Variants in PARL observed in about 807,000 individuals in gnomAD.
PARL encodes presenilin-associated rhomboid-like protein, mitochondrial.
PARL carries 44 observed loss-of-function variants against 51.6 expected under a neutral mutation model. The ratio of observed to expected loss-of-function variants is 0.85; its 90% CI spans 0.67 to 1.10. The LOEUF is 1.10. PARL is among the 50% of genes least tolerant of loss of function. PARL has a pLI of 0.00. For missense variants in PARL, 441 were observed against 469.5 expected (o/e 0.94, Z 0.56); for synonymous variants, 172 against 164.0 (o/e 1.05, Z -0.37).
chr3:183,860,386 A>G (rs1230101524), intron 4 of PARL, among the ~76,000 whole-genome samples: 3 of 152,262 alleles, frequency 2.0e-5, no homozygotes, highest in African/African-American at 7.2e-5. Context: ...CTGAGGTGAC[A>G]CAAGACAGTT....
At chr3:183,846,164 G>C (rs1167171176) in intron 4 of PARL, among the ~76,000 whole-genome samples, 2 of 151,956 alleles carry the variant, frequency 1.3e-5, no homozygotes, top group Non-Finnish European at 2.9e-5. Context: ...TCTGGATAAA[G>C]TGATTAAAAT....
intron 4 of PARL, among the ~76,000 whole-genome samples, chr3:183,853,531 G>A (rs955505124): frequency 1.3e-5 from 2 of 152,046 alleles, no homozygotes; most frequent in African/African-American, 2.4e-5. Flanking sequence ...TGGTCTGGGC[G>A]AAAGAGCAAG....
intron 4 of PARL, chr3:183,844,569 C>T (rs1478780917): frequency 2.1e-6 from 1 of 467,766 alleles, no homozygotes; most frequent in African/African-American, 2.0e-5. Flanking sequence ...ACTTCCTTTC[C>T]CTAGATCCAT....
At chr3:183,855,020 A>T (rs1730983291) in intron 4 of PARL, among the ~76,000 whole-genome samples, 1 of 152,214 alleles carries the variant, frequency 6.6e-6, no homozygotes, top group African/African-American at 2.4e-5. Context: ...CCTTAAAAAC[A>T]TTATGCTAAG....
intron 6 of PARL, among the ~76,000 whole-genome samples, chr3:183,842,086 T>A (rs1425059002): frequency 6.6e-6 from 1 of 152,164 alleles, no homozygotes; most frequent in Admixed American, 6.5e-5. Context: ...CATACCCACA[T>A]AATTCATATG....
intron 4 of PARL, among the ~76,000 whole-genome samples, chr3:183,856,055 G>C (rs1731141290): frequency 6.6e-6 from 1 of 151,884 alleles, no homozygotes; most frequent in African/African-American, 2.4e-5. Flanking sequence ...CCCGGTTCTG[G>C]TACCAGTCCC....
Position 183,829,658 on chromosome 3 carries a change from T to C in PARL, c.1080A>G (p.Leu360=), listed in dbSNP as rs552981853. ...HELIWKNREP[L]VKIWHEIRTN... Reference sequence around the variant, plus strand: ...TCCTTATTTCATGCCAGATTTTCACTAGCGGCTCCCTGTTCTTCCAAATCA... The same window carrying C: ...TCCTTATTTCATGCCAGATTTTCACCAGCGGCTCCCTGTTCTTCCAAATCA... Residue 360 remains leucine, a synonymous_variant, in exon 10 of 10, where the codon CTA becomes CTG. Transcript: ENST00000317096. 2.5e-6 allele frequency: 4 copies of C among 1,614,164 alleles called. No homozygotes were observed. The highest frequency in any genetic ancestry group is 1.7e-5 in the Admixed American group (1 of 60,010).
chr3:183,884,646 G>A lies in PARL; in HGVS notation c.125+76C>T, dbSNP rs1004629920. On this transcript the variant is annotated intron_variant, in intron 1 of 9. Transcript: ENST00000317096. ...TGGGGCCAGCACAAGAGGCCCAGAC[G>A]GCCTCCGCCCCCGAGGATACACGGC... The A allele has an allele frequency of 3.4e-6, 5 of 1,454,762 alleles. No homozygotes were observed. The Admixed American group carries it at 5.9e-5, about 17-fold the overall frequency. The allele number at this position is 1,454,762 out of a possible 1,614,324, so 90.1% of individuals were successfully genotyped here.
chr3:183,874,409 A>G (rs1733557216), intron 1 of PARL, among the ~76,000 whole-genome samples: 1 of 121,626 alleles, frequency 8.2e-6, no homozygotes, highest in Non-Finnish European at 1.7e-5. Flanking sequence ...ATTAGAAATA[A>G]TCTTTTTTTT....
At chr3:183,857,878 T>C (rs1731347015) in intron 4 of PARL, among the ~76,000 whole-genome samples, 1 of 152,172 alleles carries the variant, frequency 6.6e-6, no homozygotes, top group Non-Finnish European at 1.5e-5. Flanking sequence ...AGGTAATTAA[T>C]GGTGGTTTGC....
intron 3 of PARL, among the ~76,000 whole-genome samples, chr3:183,865,300 G>A (rs1202480741): frequency 1.3e-5 from 2 of 152,048 alleles, no homozygotes; most frequent in East Asian, 1.9e-4. Flanking sequence ...AGAGTGGGAC[G>A]CTGTCTCTTA....
At chr3:183,863,666 T>C (rs1732107335) in intron 3 of PARL, among the ~76,000 whole-genome samples, 1 of 152,134 alleles carries the variant, frequency 6.6e-6, no homozygotes, top group Admixed American at 6.5e-5. Flanking sequence ...CTTGAACTCC[T>C]GGGCTGAAGC....
chr3:183,829,476 C>G lies in PARL; in HGVS notation c.*122G>C. ...ACGGACTGGGGGACACAGCTGAAAA[C>G]AGTGGGAGGCCAGATGCTGGCATCT... On this transcript the variant is annotated 3_prime_UTR_variant, in exon 10 of 10. Coordinates refer to ENST00000317096, the MANE Select transcript of PARL (RefSeq NM_018622.7). 1 of 1,608,618 alleles carries G rather than the reference C, an allele frequency of 6.2e-7. No individual in the cohort carries two copies. Among genetic ancestry groups the G allele is most frequent in the South Asian group, 1.1e-5 (1 of 90,508 alleles).
intron 1 of PARL, among the ~76,000 whole-genome samples, chr3:183,873,719 TCTAC>T (rs1733480592): frequency 6.6e-6 from 1 of 152,144 alleles, no homozygotes; most frequent in Non-Finnish European, 1.5e-5. Context: ...AAAAACTACT[TCTAC>T]CTGTCACCAA....
chr3:183,867,937 C>T lies in PARL; in HGVS notation c.249G>A (p.Val83=). The change falls in exon 2 of 10, where the codon GTG becomes GTA. Residue 83 remains valine (V), a synonymous_variant. Transcript: ENST00000317096. The stretch of plus-strand genomic sequence containing the variant: ...GAGAAGGATAAAAGACTGTTTCTTC[C>T]ACAGGAGGAATCAAAGCACTTCTCT... ...AYKRSALIPP[V]EETVFYPSPY... 6.2e-7 allele frequency: 1 copy of T among 1,613,904 alleles called. No individual in the cohort carries two copies. Among genetic ancestry groups the T allele is most frequent in the South Asian group, 1.1e-5 (1 of 91,078 alleles).
chr3:183,852,345 A>G (rs1354808224), intron 4 of PARL, among the ~76,000 whole-genome samples: 2 of 152,176 alleles, frequency 1.3e-5, no homozygotes, highest in Non-Finnish European at 2.9e-5. Flanking sequence ...TCATCATGCT[A>G]CAATATCGAC....
chr3:183,880,820 T>C (rs1734353756), intron 1 of PARL, among the ~76,000 whole-genome samples: 1 of 152,166 alleles, frequency 6.6e-6, no homozygotes, highest in South Asian at 2.1e-4. Flanking sequence ...TTTTTATTTT[T>C]TGGGTCTTTT....
intron 4 of PARL, among the ~76,000 whole-genome samples, chr3:183,845,382 T>A (rs1192602283): frequency 6.6e-6 from 1 of 152,196 alleles, no homozygotes; most frequent in Non-Finnish European, 1.5e-5. Context: ...TCACAGATCT[T>A]AAGACATTTT....
At chr3:183,830,495 G>A (rs1010259128) in intron 9 of PARL, among the ~76,000 whole-genome samples, 1 of 152,320 alleles carries the variant, frequency 6.6e-6, no homozygotes, top group East Asian at 1.9e-4. Context: ...TGAGGGCACT[G>A]GGGGTAGAGA....
Sources: allele counts gnomAD v4.1 joint callset (sites outside exome capture counted in the v4.1 genomes callset), GRCh38; gene constraint gnomAD v4.1.1; transcripts MANE v1.5; gene names NCBI Gene and HGNC (gene_info 2026-07-23, HGNC 2026-07-21).